The following BRAP variants were observed in gnomAD, a reference collection of about 807,000 sequenced individuals.
BRAP encodes BRCA1-associated protein.
In BRAP, 42 loss-of-function variants were observed where a neutral mutation model predicts 73.4. The observed-to-expected ratio is 0.57, with a 90% CI of 0.45 to 0.74. The LOEUF is 0.74. Among genes scored for constraint, BRAP ranks in the 30% least tolerant of loss-of-function variants. The probability of loss-of-function intolerance (pLI) is 0.00; values close to 1 mark genes in which losing one functional copy is unlikely to be tolerated. For synonymous variants in BRAP, 255 were observed against 267.4 expected (o/e 0.95, Z 0.45); for missense variants, 593 against 751.4 (o/e 0.79, Z 2.46).
intron 5 of BRAP, among the ~76,000 whole-genome samples, chr12:111,670,672 G>A (rs749786318): frequency 7.9e-5 from 12 of 152,156 alleles, no homozygotes; most frequent in Non-Finnish European, 1.5e-4. Flanking sequence ...TGTATATTTA[G>A]TAGAGATGAG....
At position 111,642,732 on chromosome 12, in the gene BRAP, C is replaced by G. The variant is rs971209585; in HGVS notation, c.*1467G>C. 1.3e-5 allele frequency: 2 copies of G among 152,164 alleles called. No homozygotes were observed. The highest frequency in any genetic ancestry group is 2.9e-5 in the Non-Finnish European group (2 of 68,038). The allele number at this position is 152,164 out of a possible 1,614,324, so 9.4% of individuals were successfully genotyped here. ...TCTGTATATATAAGTCCAAGAGAGA[C>G]TCAAAGAGTTGGTCTGCCCTAAGTA... is the stretch of plus-strand genomic sequence containing the variant. On this transcript the variant is annotated 3_prime_UTR_variant, in exon 12 of 12. Coordinates refer to ENST00000419234, the MANE Select transcript of BRAP (RefSeq NM_006768.5).
intron 10 of BRAP, among the ~76,000 whole-genome samples, chr12:111,653,598 G>A (rs1456281706): frequency 1.3e-5 from 2 of 152,162 alleles, no homozygotes; most frequent in Admixed American, 6.6e-5. Flanking sequence ...GAAAGAAACA[G>A]TGTTTATAAC....
chr12:111,668,714 T>C lies in BRAP; in HGVS notation c.748-2927A>G, dbSNP rs546261964. On this transcript the variant is annotated intron_variant, in intron 5 of 11. Transcript: ENST00000419234. ...CTCTGTCGCCCAGGCTGGAGTGCAG[T>C]GGCACAATCTCGGCTCACTGCAAGC... Among the ~76,000 whole-genome samples, 5 of 151,962 alleles carry C rather than the reference T, an allele frequency of 3.3e-5. No homozygotes were observed. The South Asian group carries it at 8.3e-4, about 25-fold the overall frequency.
chr12:111,672,141 GC>G (rs1247543836), intron 5 of BRAP, among the ~76,000 whole-genome samples: 1 of 152,172 alleles, frequency 6.6e-6, no homozygotes, highest in Admixed American at 6.5e-5. Context: ...AGAGACAGAG[GC>G]TGCAGTGAGC....
intron 5 of BRAP, among the ~76,000 whole-genome samples, chr12:111,671,546 T>C (rs1258632530): frequency 6.7e-6 from 1 of 149,704 alleles, no homozygotes; most frequent in Non-Finnish European, 1.5e-5. Flanking sequence ...TGACACTCTG[T>C]CTCCAAAACA....
intron 5 of BRAP, among the ~76,000 whole-genome samples, chr12:111,667,669 A>AGCCTG (rs1402239365): frequency 7.1e-6 from 1 of 140,844 alleles, no homozygotes; most frequent in East Asian, 2.6e-4. Flanking sequence ...ACTGCACTCC[A>AGCCTG]GCCTGGGAGA....
At chr12:111,655,427 A>G (rs1013012831) in intron 10 of BRAP, 139 bp downstream of exon 10, 4 of 609,634 alleles carry the variant, frequency 6.6e-6, no homozygotes, top group Non-Finnish European at 1.1e-5. Flanking sequence ...TTTAGTGGCA[A>G]AACAGTTCTC....
chr12:111,647,573 G>A (rs1295410966), intron 11 of BRAP, among the ~76,000 whole-genome samples: 1 of 152,148 alleles, frequency 6.6e-6, no homozygotes, highest in African/African-American at 2.4e-5. Context: ...TGCAGGGTGT[G>A]GTGGCCCATG....
chr12:111,644,661 C>T, intron 11 of BRAP, 99 bp from the exon 12 acceptor site: 1 of 1,496,594 alleles, frequency 6.7e-7, no homozygotes, highest in African/African-American at 1.4e-5. Context: ...ACCTCAGAAT[C>T]CCTTTAGGAC....
rs1475963800 is a variant in BRAP at position 111,642,795 on chromosome 12, T to A, written c.*1404A>T. 6.6e-6 allele frequency: 1 copy of A among 152,166 alleles called. No individual in the cohort carries two copies. The highest frequency in any genetic ancestry group is 1.5e-5 in the Non-Finnish European group (1 of 68,024). The allele number at this position is 152,166 out of a possible 1,614,324, so 9.4% of individuals were successfully genotyped here. On this transcript the variant is annotated 3_prime_UTR_variant, in exon 12 of 12. Transcript: ENST00000419234. The stretch of plus-strand genomic sequence containing the variant: ...GTCTGAGTACATTCATTTTGCAACA[T>A]TACACGTAAAGTTTTTTGGGAAATG...
At position 111,644,522 on chromosome 12, in the gene BRAP, C is replaced by T. The variant is rs1161768407; in HGVS notation, c.1456G>A (p.Glu486Lys). The part of the protein sequence containing the change: ...LNTKVAKLTN[E>K]LKEEQEMNKC... ...TTCATTTCCTGCTCCTCTTTGAGCT[C>T]GTTGGTGAGTTTGGCCACTTTTGTG... Residue 486 changes from glutamate to lysine, a missense_variant, in exon 12 of 12, where the codon GAG (glutamate) becomes AAG (lysine). This residue lies in a region of BRAP where 143 missense variants were observed against 190.4 expected (regional missense o/e 0.75). Coordinates refer to ENST00000419234, the MANE Select transcript of BRAP (RefSeq NM_006768.5). 8.1e-6 allele frequency: 13 copies of T among 1,613,794 alleles called. No individual in the cohort carries two copies. The East Asian group carries it at 8.9e-5, about 11-fold the overall frequency.
intron 6 of BRAP, among the ~76,000 whole-genome samples, chr12:111,663,290 C>G (rs1465756764): frequency 6.6e-6 from 1 of 151,902 alleles, no homozygotes; most frequent in Non-Finnish European, 1.5e-5. Flanking sequence ...CCCATCTCTA[C>G]TAAAAATATA....
intron 2 of BRAP, 74 bp from the exon 3 acceptor site, chr12:111,681,909 T>C: frequency 2.2e-6 from 3 of 1,380,700 alleles, no homozygotes; most frequent in Admixed American, 5.1e-5. Context: ...AGATTAAAAT[T>C]TCAAGTCAGA....
intron 11 of BRAP, among the ~76,000 whole-genome samples, chr12:111,646,601 C>G (rs1365663761): frequency 1.3e-5 from 2 of 152,042 alleles, no homozygotes; most frequent in Non-Finnish European, 2.9e-5. Context: ...GGTGAAGCTC[C>G]GTTTCTACTA....
chr12:111,677,574 A>T lies in BRAP; in HGVS notation c.633+1577T>A, dbSNP rs1299442588. ...GATTGTAGTGAGGATTAAATGAGAC[A>T]AAGTGTATTGAACACTTAGCACAGT... is the stretch of plus-strand genomic sequence containing the variant. On this transcript the variant is annotated intron_variant, in intron 4 of 11. Transcript: ENST00000419234. Among the ~76,000 whole-genome samples the T allele has an allele frequency of 3.9e-5, 6 of 152,222 alleles. No individual in the cohort carries two copies. In the South Asian group the frequency reaches 6.2e-4, roughly 16 times the overall value.
At chr12:111,660,133 G>A (rs923077572) in intron 7 of BRAP, among the ~76,000 whole-genome samples, 4 of 151,592 alleles carry the variant, frequency 2.6e-5, no homozygotes, top group African/African-American at 9.7e-5. Flanking sequence ...GTGATTAAAT[G>A]TATGTTTAAA....
In BRAP at chr12:111,677,321, T is replaced by A. The variant is rs146769946; in HGVS notation, c.633+1830A>T. ...TGCCCTAGTTGTTAAGTAGAAACTGTAACAATACTGCTGTCATAGAATGTC... is the reference window on the plus strand; with the variant it reads ...TGCCCTAGTTGTTAAGTAGAAACTGAAACAATACTGCTGTCATAGAATGTC... On this transcript the variant is annotated intron_variant, in intron 4 of 11. Coordinates refer to ENST00000419234, the MANE Select transcript of BRAP (RefSeq NM_006768.5). Among the ~76,000 whole-genome samples the A allele has an allele frequency of 4.6e-3, 695 of 152,300 alleles. 7 individuals are homozygous for A. The highest frequency in any genetic ancestry group is 0.015 in the African/African-American group (635 of 41,574).
At chr12:111,656,705 T>G (rs892836828) in intron 9 of BRAP, among the ~76,000 whole-genome samples, 1 of 152,186 alleles carries the variant, frequency 6.6e-6, no homozygotes, top group East Asian at 1.9e-4. Flanking sequence ...CTAGCACCAG[T>G]GGCTGACAGC....
chr12:111,685,573 A>T, intron 1 of BRAP, 138 bp downstream of exon 1: 3 of 1,369,076 alleles, frequency 2.2e-6, no homozygotes, highest in Non-Finnish European at 2.8e-6. Context: ...TGGGAAAGAG[A>T]GGGATCCCGA....
Sources: gnomAD v4.1 joint callset for allele counts (sites outside exome capture counted in the v4.1 genomes callset) on GRCh38, gnomAD v4.1.1 for gene constraint, gnomAD v4.1.1 regional missense constraint, MANE v1.5 for transcripts, NCBI Gene and HGNC (gene_info 2026-07-23, HGNC 2026-07-21) for gene names.